Variants in LRP2 observed in about 807,000 individuals in gnomAD.
LRP2 encodes the protein low-density lipoprotein receptor-related protein 2.
LRP2 carries 172 observed loss-of-function variants against 531.0 expected under a neutral mutation model. That is an observed-to-expected ratio of 0.32 (90% CI 0.29 to 0.37). The LOEUF (loss-of-function observed/expected upper bound fraction) is 0.37. Among genes scored for constraint, LRP2 ranks in the 10% least tolerant of loss-of-function variants. LRP2 has a pLI of 1.00. For synonymous variants in LRP2, 1,992 were observed against 2,027.6 expected (o/e 0.98, Z 0.47); for missense variants, 5,167 against 5,868.3 (o/e 0.88, Z 3.90).
intron 1 of LRP2, among the ~76,000 whole-genome samples, chr2:169,322,149 T>C (rs1056438952): frequency 1.3e-5 from 2 of 152,214 alleles, no homozygotes; most frequent in African/African-American, 4.8e-5. Context: ...TTTTGGCTAA[T>C]TAACCAAAAT....
Position 169,362,436 on chromosome 2 carries a change from G to T in LRP2, c.-37C>A. Reference sequence around the variant, plus strand: ...TCCCCGGCCTCGCCGTTCCTTCCCCGGGAGGTGGGCGCGCGTAGCACACCG... The same window carrying T: ...TCCCCGGCCTCGCCGTTCCTTCCCCTGGAGGTGGGCGCGCGTAGCACACCG... On this transcript the variant is annotated 5_prime_UTR_variant, in exon 1 of 79. Coordinates refer to ENST00000649046, the MANE Select transcript of LRP2 (RefSeq NM_004525.3). 6.5e-7 allele frequency: 1 copy of T among 1,528,920 alleles called. No individual in the cohort carries two copies. The highest frequency in any genetic ancestry group is 1.4e-5 in the African/African-American group (1 of 72,880). The allele number at this position is 1,528,920 out of a possible 1,614,324, so 94.7% of individuals were successfully genotyped here.
At chr2:169,267,274 CTA>C (rs2105429252) in intron 16 of LRP2, among the ~76,000 whole-genome samples, 1 of 152,136 alleles carries the variant, frequency 6.6e-6, no homozygotes, top group East Asian at 1.9e-4. Context: ...GCTTACATAA[CTA>C]TCCACCCCAA....
At chr2:169,338,293 A>G (rs1393734543) in intron 1 of LRP2, among the ~76,000 whole-genome samples, 1 of 149,784 alleles carries the variant, frequency 6.7e-6, no homozygotes, top group Admixed American at 6.6e-5. Context: ...GAAAGAAAAA[A>G]GGAAGGAAGA....
chr2:169,167,716 G>T (rs138887808), intron 61 of LRP2, among the ~76,000 whole-genome samples: 1 of 152,076 alleles, frequency 6.6e-6, no homozygotes, highest in African/African-American at 2.4e-5. Flanking sequence ...CCTAGTCCAG[G>T]TAAGACACTT....
At chr2:169,148,429 A>C (rs1686000194) in intron 68 of LRP2, among the ~76,000 whole-genome samples, 1 of 152,190 alleles carries the variant, frequency 6.6e-6, no homozygotes, top group South Asian at 2.1e-4. Context: ...GTACACTTTA[A>C]ATGGGTAAGT....
At chr2:169,232,389 A>G (rs1301685527) in intron 30 of LRP2, among the ~76,000 whole-genome samples, 5 of 152,166 alleles carry the variant, frequency 3.3e-5, no homozygotes, top group African/African-American at 1.2e-4. Flanking sequence ...GATCCTATAC[A>G]TTTTTATTAC....
At chr2:169,260,587 T>G (rs1394927734) in intron 16 of LRP2, among the ~76,000 whole-genome samples, 1 of 152,062 alleles carries the variant, frequency 6.6e-6, no homozygotes, top group Non-Finnish European at 1.5e-5. Context: ...CAGCTGGCAC[T>G]ATGGGTCTGA....
At position 169,338,359 on chromosome 2, in the gene LRP2, G is replaced by GGAAAGAAAGAAAGAAAGAAAGAAA. The variant is rs869084371; in HGVS notation, c.80-17499_80-17476dup. ...GAGAAAGAAAGAAGGAAAGAAAGAA[G>GGAAAGAAAGAAAGAAAGAAAGAAA]GAAAGAAAGAAAGAAAGAAAGAAAG... On this transcript the variant is annotated intron_variant, in intron 1 of 78. Coordinates refer to ENST00000649046, the MANE Select transcript of LRP2 (RefSeq NM_004525.3). Among the ~76,000 whole-genome samples the GGAAAGAAAGAAAGAAAGAAAGAAA allele has an allele frequency of 2.1e-3, 159 of 76,630 alleles. 1 individual carries two copies. Among genetic ancestry groups the GGAAAGAAAGAAAGAAAGAAAGAAA allele is most frequent in the South Asian group, 3.0e-3 (6 of 2,016 alleles). The allele number at this position is 76,630 out of a possible 152,430, so 50.3% of individuals were successfully genotyped here.
Position 169,307,995 on chromosome 2 carries a change from A to T in LRP2, c.311-598T>A, listed in dbSNP as rs534427452. On this transcript the variant is annotated intron_variant, in intron 3 of 78. Coordinates refer to ENST00000649046, the MANE Select transcript of LRP2 (RefSeq NM_004525.3). ...ATTTGCCTCCGGATAAAACAGATAA[A>T]ATCCAGTGAACTGATGCCCGCAAGC... 3.9e-5 allele frequency among the ~76,000 whole-genome samples: 6 copies of T among 152,256 alleles called. 1 individual carries two copies. The South Asian group carries it at 1.2e-3, about 32-fold the overall frequency.
intron 1 of LRP2, among the ~76,000 whole-genome samples, chr2:169,325,956 C>A (rs1418996558): frequency 1.3e-5 from 2 of 151,828 alleles, no homozygotes; most frequent in Non-Finnish European, 2.9e-5. Flanking sequence ...CAAATTGATG[C>A]ATTATCATGT....
chr2:169,188,276 A>C lies in LRP2; in HGVS notation c.9033-11T>G, dbSNP rs527644376. On this transcript the variant is annotated splice_polypyrimidine_tract_variant and intron_variant, in intron 48 of 78. Coordinates refer to ENST00000649046, the MANE Select transcript of LRP2 (RefSeq NM_004525.3). ...TTGTGCCGGTCACACCTGTATCATG[A>C]GATCCAGTACCACTTTCAGAGAGGT... The C allele has an allele frequency of 6.2e-7, 1 of 1,613,850 alleles. No homozygotes were observed. Among genetic ancestry groups the C allele is most frequent in the East Asian group, 2.2e-5 (1 of 44,884 alleles).
intron 14 of LRP2, among the ~76,000 whole-genome samples, 153 bp from the exon 15 acceptor site, chr2:169,273,220 A>T (rs1683466891): frequency 1.3e-5 from 2 of 152,132 alleles, no homozygotes; most frequent in African/African-American, 4.8e-5. Flanking sequence ...TACTGGATAC[A>T]TCCACATCTG....
chr2:169,267,765 C>A (rs1289149591), intron 16 of LRP2, among the ~76,000 whole-genome samples: 1 of 152,032 alleles, frequency 6.6e-6, no homozygotes, highest in East Asian at 1.9e-4. Flanking sequence ...CATAGCAGAA[C>A]TGAAGGAGAT....
intron 65 of LRP2, among the ~76,000 whole-genome samples, 196 bp downstream of exon 65, chr2:169,156,078 G>A (rs572100082): frequency 6.6e-6 from 1 of 152,158 alleles, no homozygotes; most frequent in East Asian, 1.9e-4. Flanking sequence ...GGGGGATGTA[G>A]CTATTGTTTT....
intron 16 of LRP2, among the ~76,000 whole-genome samples, chr2:169,260,100 C>T (rs1019843780): frequency 6.6e-6 from 1 of 152,094 alleles, no homozygotes; most frequent in Non-Finnish European, 1.5e-5. Flanking sequence ...GCATTAGTAT[C>T]GTTCCTATTC....
At position 169,129,086 on chromosome 2, in the gene LRP2, TA is replaced by T. The variant is rs1436419436; in HGVS notation, c.13729-3del. On this transcript the variant is annotated splice_polypyrimidine_tract_variant and splice_region_variant and intron_variant, in intron 77 of 78. Coordinates refer to ENST00000649046, the MANE Select transcript of LRP2 (RefSeq NM_004525.3). ...TTTGAAGAGATTCCATTTTGTCACC[TA>T]AATGAAAAGGGGAAAACAAAAACCT... 1 of 1,600,050 alleles carries T rather than the reference TA, an allele frequency of 6.2e-7. No individual in the cohort carries two copies. The highest frequency in any genetic ancestry group is 2.2e-5 in the East Asian group (1 of 44,796).
In LRP2 at chr2:169,231,709, T is replaced by A; in HGVS notation, c.5227+5A>T. ...TTCAGAGCTCACATAAGGAGCATAC[T>A]ATACCTCTCAAGCAATTCAGGAGAT... On this transcript the variant is annotated splice_donor_5th_base_variant and intron_variant, in intron 31 of 78. Coordinates refer to ENST00000649046, the MANE Select transcript of LRP2 (RefSeq NM_004525.3). 1 of 1,613,894 alleles carries A rather than the reference T, an allele frequency of 6.2e-7. No homozygotes were observed. Among genetic ancestry groups the A allele is most frequent in the East Asian group, 2.2e-5 (1 of 44,874 alleles).
chr2:169,199,755 G>A (rs970074791), intron 44 of LRP2, among the ~76,000 whole-genome samples: 1 of 151,940 alleles, frequency 6.6e-6, no homozygotes, highest in Non-Finnish European at 1.5e-5. Context: ...GAAGAATCTC[G>A]CACTTAGTAG....
At position 169,214,427 on chromosome 2, in the gene LRP2, T is replaced by C. The variant is rs541615332; in HGVS notation, c.5827-557A>G. 7.2e-5 allele frequency among the ~76,000 whole-genome samples: 11 copies of C among 152,268 alleles called. No individual in the cohort carries two copies. In the South Asian group the frequency reaches 2.3e-3, roughly 32 times the overall value. On this transcript the variant is annotated intron_variant, in intron 35 of 78. Coordinates refer to ENST00000649046, the MANE Select transcript of LRP2 (RefSeq NM_004525.3). ...AAAGTCCCTAAGGGAAAATGACAAG[T>C]AGTCAGCTTCTTCTGGAAGAAAAAT...
Sources: gnomAD v4.1 joint callset for allele counts (sites outside exome capture counted in the v4.1 genomes callset) on GRCh38, gnomAD v4.1.1 for gene constraint, MANE v1.5 for transcripts, NCBI Gene and HGNC (gene_info 2026-07-23, HGNC 2026-07-21) for gene names.